PRUNE2: variants seen among roughly 807,000 people sequenced by gnomAD.
PRUNE2 encodes the protein prune homolog 2 with BCH domain.
In PRUNE2, 164 loss-of-function variants were observed where a neutral mutation model predicts 252.0. The ratio of observed to expected loss-of-function variants is 0.65; its 90% confidence interval spans 0.57 to 0.74. The LOEUF (loss-of-function observed/expected upper bound fraction) is 0.74, where lower values mean the gene tolerates loss of function less well. Ranked by LOEUF, PRUNE2 falls within the 30% of genes least tolerant of loss-of-function variation. The probability of loss-of-function intolerance (pLI) is 0.00; values close to 1 mark genes in which losing one functional copy is unlikely to be tolerated. For synonymous variants in PRUNE2, 1,292 were observed against 1,350.2 expected (o/e 0.96, Z 0.94); for missense variants, 3,495 against 3,711.0 (o/e 0.94, Z 1.51).
chr9:76,706,364 C>G lies in PRUNE2; in HGVS notation c.5910G>C (p.Pro1970=). The change falls in exon 8 of 19, where the codon CCG becomes CCC. Residue 1970 remains proline (P), a synonymous_variant. Coordinates refer to ENST00000376718, the MANE Select transcript of PRUNE2 (RefSeq NM_015225.3). ...QDTMLPVCDH[P]DTAFTHAEEN... is the part of the protein sequence containing the mutation. ...CCTCTGCGTGAGTAAAGGCTGTGTC[C>G]GGATGATCACAGACTGGCAGCATGG... 6.2e-7 allele frequency: 1 copy of G among 1,613,972 alleles called. No homozygotes were observed. The highest frequency in any genetic ancestry group is 8.5e-7 in the Non-Finnish European group (1 of 1,179,884).
intron 9 of PRUNE2, among the ~76,000 whole-genome samples, chr9:76,665,875 C>T (rs1460197968): frequency 1.3e-5 from 2 of 152,128 alleles, no homozygotes; most frequent in African/African-American, 4.8e-5. Flanking sequence ...AGGCAAAAGA[C>T]TGAGGGCACG....
intron 12 of PRUNE2, 134 bp downstream of exon 12, chr9:76,644,605 T>G (rs138544253): frequency 1.4e-5 from 11 of 806,524 alleles, no homozygotes; most frequent in Non-Finnish European, 2.3e-5. Context: ...CTTAGCTCTA[T>G]AGTTCCCTGA....
At chr9:76,813,941 C>G (rs2057522067) in intron 6 of PRUNE2, among the ~76,000 whole-genome samples, 1 of 152,180 alleles carries the variant, frequency 6.6e-6, no homozygotes, top group African/African-American at 2.4e-5. Context: ...CTCAGCCCCC[C>G]AAGTAGCTGG....
chr9:76,857,086 T>TCTCCTCA (rs1377196168), intron 1 of PRUNE2: 2 of 455,840 alleles, frequency 4.4e-6, no homozygotes. Context: ...CTCTCATTTC[T>TCTCCTCA]CTCCTCACTT....
In PRUNE2 at chr9:76,846,612, G is replaced by A. The variant is rs753804376; in HGVS notation, c.411C>T (p.Asn137=). 1.9e-5 allele frequency: 31 copies of A among 1,613,832 alleles called. No homozygotes were observed. The highest frequency in any genetic ancestry group is 4.4e-5 in the South Asian group (4 of 91,072). Residue 137 remains asparagine (N), a synonymous_variant, in exon 4 of 19, where the codon AAC becomes AAT. Transcript: ENST00000376718. ...AAGAGGAAGACTCTCGGAACTCAAC[G>A]TTGGCATCGCTCTGCTCAACCGGAT... is the stretch of plus-strand genomic sequence containing the variant. ...VINPVEQSDA[N]VEFRESSSSL...
Position 76,614,564 on chromosome 9 carries a change from G to T in PRUNE2, c.*6C>A, listed in dbSNP as rs1324525878. The T allele has an allele frequency of 6.2e-7, 1 of 1,610,778 alleles. No individual in the cohort carries two copies. The highest frequency in any genetic ancestry group is 1.7e-5 in the Admixed American group (1 of 59,944). On this transcript the variant is annotated 3_prime_UTR_variant, in exon 19 of 19. Transcript: ENST00000376718. ...GAAAAGCATCCTCTTCTTCCAGCAT[G>T]GCCAACTAAGGCTTTTCTTTCAGCT...
chr9:76,619,395 C>G lies in PRUNE2; in HGVS notation c.9189-8G>C. 1 of 1,599,326 alleles carries G rather than the reference C, an allele frequency of 6.3e-7. No individual in the cohort carries two copies. Among genetic ancestry groups the G allele is most frequent in the Non-Finnish European group, 8.5e-7 (1 of 1,170,400 alleles). ...TTGTAAAGGCAGCTAGTTCTGAGTG[C>G]AAGGAAAAAATAGGAAGCAGTCAAC... is the stretch of plus-strand genomic sequence containing the variant. On this transcript the variant is annotated splice_region_variant and splice_polypyrimidine_tract_variant and intron_variant, in intron 17 of 18. Transcript: ENST00000376718.
At chr9:76,882,145 A>G (rs1221634101) in intron 1 of PRUNE2, among the ~76,000 whole-genome samples, 4 of 152,264 alleles carry the variant, frequency 2.6e-5, no homozygotes, top group East Asian at 1.9e-4. Flanking sequence ...ATATATGAGT[A>G]TGTGTTTATA....
chr9:76,797,237 G>A (rs57864413), intron 6 of PRUNE2, among the ~76,000 whole-genome samples: 13,143 of 151,610 alleles, frequency 0.087, 1,086 homozygotes, highest in African/African-American at 0.21. Context: ...TCTCTTTTAC[G>A]TTCTATATAA....
At position 76,706,637 on chromosome 9, in the gene PRUNE2, CA is replaced by C. The variant is rs1295788531; in HGVS notation, c.5636del (p.Val1879GlyfsTer48). 1 of 1,613,878 alleles carries C rather than the reference CA, an allele frequency of 6.2e-7. No homozygotes were observed. Among genetic ancestry groups the C allele is most frequent in the Non-Finnish European group, 8.5e-7 (1 of 1,179,872 alleles). On this transcript the variant is annotated frameshift_variant, in exon 8 of 19. Transcript: ENST00000376718. LOFTEE classifies it high-confidence loss of function. ...GVPVQGDIEP[V>X]ETHYTNPFSD... ...TAAAAGGATTAGTATAGTGTGTTTC[CA>C]CGGGCTCAATATCACCCTGAACTGG...
chr9:76,713,045 C>T (rs988990094), intron 7 of PRUNE2, among the ~76,000 whole-genome samples: 1 of 151,902 alleles, frequency 6.6e-6, no homozygotes, highest in African/African-American at 2.4e-5. Context: ...TTGGTATATC[C>T]GATGGCCTAT....
chr9:76,893,167 C>T (rs1208801120), intron 1 of PRUNE2, among the ~76,000 whole-genome samples: 1 of 152,170 alleles, frequency 6.6e-6, no homozygotes, highest in East Asian at 1.9e-4. Context: ...ATCGCTTGAG[C>T]CTACAAGTTC....
intron 6 of PRUNE2, among the ~76,000 whole-genome samples, chr9:76,771,786 G>A (rs1170447709): frequency 6.6e-6 from 1 of 152,186 alleles, no homozygotes; most frequent in Non-Finnish European, 1.5e-5. Context: ...TTATTTCCCA[G>A]AGGGAGAGGC....
chr9:76,693,181 A>C (rs2134499911), intron 9 of PRUNE2, among the ~76,000 whole-genome samples: 1 of 152,330 alleles, frequency 6.6e-6, no homozygotes, highest in Admixed American at 6.5e-5. Flanking sequence ...TATTTGTATG[A>C]TCTTCAAAAA....
chr9:76,710,961 G>A lies in PRUNE2; in HGVS notation c.1313C>T (p.Ser438Leu), dbSNP rs758162896. ...GAGGAAAACAGAGCTCTCCTTGGATGAGCGGCTGCTCCTAATGGTAGCCAG... is the reference window on the plus strand; with the variant it reads ...GAGGAAAACAGAGCTCTCCTTGGATAAGCGGCTGCTCCTAATGGTAGCCAG... ...SGLATIRSSR[S>L]SKESSVFLSD... is the part of the protein sequence containing the mutation. Residue 438 changes from serine (S) to leucine (L), a missense_variant, in exon 8 of 19, where the codon TCA becomes TTA. By Grantham distance (145) the Ser-to-Leu change is moderately radical. Transcript: ENST00000376718. 40 of 1,599,810 alleles carry A rather than the reference G, an allele frequency of 2.5e-5. No homozygotes were observed. The highest frequency in any genetic ancestry group is 3.3e-5 in the Non-Finnish European group (39 of 1,172,856).
chr9:76,680,968 CA>C (rs1275541886), intron 9 of PRUNE2, among the ~76,000 whole-genome samples: 1 of 152,040 alleles, frequency 6.6e-6, no homozygotes, highest in Non-Finnish European at 1.5e-5. Flanking sequence ...GCACCTCCCC[CA>C]ACACATGGAG....
chr9:76,707,774 C>T lies in PRUNE2; in HGVS notation c.4500G>A (p.Val1500=), dbSNP rs771441647. ...DFGDVPIDSD[V]HVSSTCSEIT... Reference sequence around the variant, plus strand: ...TCTCAGAACATGTGCTGCTGACATGCACATCACTGTCTATAGGGACGTCCC... The same window carrying T: ...TCTCAGAACATGTGCTGCTGACATGTACATCACTGTCTATAGGGACGTCCC... Residue 1500 remains valine (V), a synonymous_variant, in exon 8 of 19, where the codon GTG becomes GTA. Coordinates refer to ENST00000376718, the MANE Select transcript of PRUNE2 (RefSeq NM_015225.3). The T allele has an allele frequency of 6.2e-7, 1 of 1,613,448 alleles. No homozygotes were observed. Among genetic ancestry groups the T allele is most frequent in the Non-Finnish European group, 8.5e-7 (1 of 1,179,616 alleles).
intron 9 of PRUNE2, among the ~76,000 whole-genome samples, chr9:76,695,581 G>C (rs1356308734): frequency 6.6e-6 from 1 of 152,138 alleles, no homozygotes; most frequent in African/African-American, 2.4e-5. Context: ...AGATGGATTT[G>C]GTAACTTGAG....
At chr9:76,851,886 T>G (rs1008791821) in intron 2 of PRUNE2, among the ~76,000 whole-genome samples, 1 of 152,186 alleles carries the variant, frequency 6.6e-6, no homozygotes, top group Admixed American at 6.5e-5. Flanking sequence ...ATAAAGGTGC[T>G]TTAAAAATTA....
Sources: allele counts gnomAD v4.1 joint callset (sites outside exome capture counted in the v4.1 genomes callset), GRCh38; gene constraint gnomAD v4.1.1; transcripts MANE v1.5; gene names NCBI Gene and HGNC (gene_info 2026-07-23, HGNC 2026-07-21).